The following MTNR1A variants were observed in gnomAD, a reference collection of about 807,000 sequenced individuals.
MTNR1A encodes the protein melatonin receptor type 1A.
MTNR1A carries 7 observed loss-of-function variants against 5.5 expected under a neutral mutation model. That is an observed-to-expected ratio of 1.28 (90% CI 0.73 to 2.40). The LOEUF (loss-of-function observed/expected upper bound fraction) is 2.40. Among genes scored for constraint, MTNR1A ranks in the 30% most tolerant of loss-of-function variants. The pLI, the probability that MTNR1A is intolerant of heterozygous loss-of-function variation, is 0.00. For missense variants in MTNR1A, 441 were observed against 464.4 expected (o/e 0.95, Z 0.46); for synonymous variants, 196 against 202.7 (o/e 0.97, Z 0.28).
At position 186,555,084 on chromosome 4, in the gene MTNR1A, G is replaced by A; in HGVS notation, c.184+98C>T. On this transcript the variant is annotated intron_variant, in intron 1 of 1. Transcript: ENST00000307161. This position sits in a 1 kb window ranked among gnomAD's most constrained non-coding sequence, Gnocchi z 4.1. The stretch of plus-strand genomic sequence containing the variant: ...GGAAAAATAACTCCAAGTCCGCAGT[G>A]TTTAGGAAAAAGAACCAAGTGCTTG... 2 of 1,310,554 alleles carry A rather than the reference G, an allele frequency of 1.5e-6. No individual in the cohort carries two copies. The highest frequency in any genetic ancestry group is 2.1e-6 in the Non-Finnish European group (2 of 931,612). The allele number at this position is 1,310,554 out of a possible 1,614,324, so 81.2% of individuals were successfully genotyped here.
chr4:186,555,361 T>G lies in MTNR1A; in HGVS notation c.5A>C (p.Gln2Pro), dbSNP rs1348980073. 1 of 1,528,332 alleles carries G rather than the reference T, an allele frequency of 6.5e-7. No homozygotes were observed. Among genetic ancestry groups the G allele is most frequent in the Non-Finnish European group, 8.8e-7 (1 of 1,137,624 alleles). The allele number at this position is 1,528,332 out of a possible 1,614,324, so 94.7% of individuals were successfully genotyped here. Residue 2 changes from glutamine (Q) to proline (P), a missense_variant, in exon 1 of 2, where the codon CAG becomes CCG. By Grantham distance (76) the Gln-to-Pro change is moderately conservative. Coordinates refer to ENST00000307161, the MANE Select transcript of MTNR1A (RefSeq NM_005958.4). This position sits in a 1 kb window ranked among gnomAD's most constrained non-coding sequence, Gnocchi z 4.1. M[Q>P]GNGSALPNAS... ...GTTGGGCAGCGCGCTGCCGTTGCCCTGCATGGTCCCTGTGCGCGTCCCGGC... is the reference window on the plus strand; with the variant it reads ...GTTGGGCAGCGCGCTGCCGTTGCCCGGCATGGTCCCTGTGCGCGTCCCGGC...
At position 186,534,226 on chromosome 4, in the gene MTNR1A, C is replaced by T. The variant is rs371929194; in HGVS notation, c.516G>A (p.Pro172=). The T allele has an allele frequency of 8.1e-6, 13 of 1,613,884 alleles. No homozygotes were observed. The highest frequency in any genetic ancestry group is 6.7e-5 in the African/African-American group (5 of 74,872). The change falls in exon 2 of 2, where the codon CCG becomes CCA. Residue 172 remains proline, a synonymous_variant. Transcript: ENST00000307161. ...NLRAGTLQYD[P]RIYSCTFAQS... ...GGGCGAAGGTGCACGAGTAGATCCT[C>T]GGGTCGTACTGGAGAGTCCCTGCAC... is the stretch of plus-strand genomic sequence containing the variant.
chr4:186,535,300 G>A (rs1736820895), intron 1 of MTNR1A, among the ~76,000 whole-genome samples: 1 of 151,778 alleles, frequency 6.6e-6, no homozygotes, highest in Admixed American at 6.6e-5. Context: ...AATTCTCTTA[G>A]ATCTTATAAA....
At chr4:186,538,364 T>C (rs532482074) in intron 1 of MTNR1A, among the ~76,000 whole-genome samples, 4 of 152,188 alleles carry the variant, frequency 2.6e-5, no homozygotes, top group Non-Finnish European at 4.4e-5. Flanking sequence ...TTGCGTGAGA[T>C]TTTGAAGGCG....
At chr4:186,538,371 G>C (rs999351647) in intron 1 of MTNR1A, among the ~76,000 whole-genome samples, 3 of 152,232 alleles carry the variant, frequency 2.0e-5, no homozygotes, top group Non-Finnish European at 4.4e-5. Flanking sequence ...AGATTTTGAA[G>C]GCGGAAGTGC....
chr4:186,548,328 G>A (rs910765703), intron 1 of MTNR1A, among the ~76,000 whole-genome samples: 2 of 151,950 alleles, frequency 1.3e-5, no homozygotes, highest in African/African-American at 4.8e-5. Flanking sequence ...TCAATGACAG[G>A]AAAATATGTT....
intron 1 of MTNR1A, among the ~76,000 whole-genome samples, chr4:186,538,250 C>T (rs1289755440): frequency 2.6e-5 from 4 of 152,196 alleles, no homozygotes; most frequent in African/African-American, 9.7e-5. Flanking sequence ...AGTACCTGGC[C>T]GAGGGTTAAT....
intron 1 of MTNR1A, among the ~76,000 whole-genome samples, chr4:186,549,994 C>T (rs1335005359): frequency 6.6e-6 from 1 of 152,216 alleles, no homozygotes; most frequent in Non-Finnish European, 1.5e-5. Flanking sequence ...AATGCATTTT[C>T]TCTCCCGTCT....
intron 1 of MTNR1A, among the ~76,000 whole-genome samples, chr4:186,549,308 T>G (rs2111385717): frequency 6.6e-6 from 1 of 152,310 alleles, no homozygotes; most frequent in East Asian, 1.9e-4. Flanking sequence ...ACTTAATAAC[T>G]ATTTGAGAAA....
chr4:186,555,345 C>G lies in MTNR1A; in HGVS notation c.21G>C (p.Ala7=). 1 of 1,541,364 alleles carries G rather than the reference C, an allele frequency of 6.5e-7. No individual in the cohort carries two copies. The highest frequency in any genetic ancestry group is 8.7e-7 in the Non-Finnish European group (1 of 1,143,048). Residue 7 remains alanine (A), a synonymous_variant, in exon 1 of 2, where the codon GCG becomes GCC. Transcript: ENST00000307161. The surrounding 1 kb of genome is among the most constrained non-coding windows in gnomAD (Gnocchi z 4.1). The part of the protein sequence containing the change: MQGNGS[A]LPNASQPVLR... The stretch of plus-strand genomic sequence containing the variant: ...GCACGGGCTGGGAGGCGTTGGGCAG[C>G]GCGCTGCCGTTGCCCTGCATGGTCC...
At chr4:186,544,207 G>A (rs1486923302) in intron 1 of MTNR1A, among the ~76,000 whole-genome samples, 1 of 152,116 alleles carries the variant, frequency 6.6e-6, no homozygotes, top group East Asian at 1.9e-4. Context: ...TTTTAGTTGA[G>A]ATGGGATTTC....
At chr4:186,550,848 G>A (rs1260699505) in intron 1 of MTNR1A, among the ~76,000 whole-genome samples, 1 of 152,194 alleles carries the variant, frequency 6.6e-6, no homozygotes, top group African/African-American at 2.4e-5. Flanking sequence ...ATTTACAGGG[G>A]ATTCTGGGAA....
chr4:186,538,509 C>A (rs1736928931), intron 1 of MTNR1A, among the ~76,000 whole-genome samples: 1 of 152,124 alleles, frequency 6.6e-6, no homozygotes, highest in Non-Finnish European at 1.5e-5. Flanking sequence ...CACAGCTTCT[C>A]CAGCTCCTGC....
intron 1 of MTNR1A, among the ~76,000 whole-genome samples, chr4:186,549,227 T>TTTTATAC (rs1737219323): frequency 3.8e-5 from 1 of 25,984 alleles, no homozygotes. Flanking sequence ...CAAGAACATA[T>TTTTATAC]TCCTAAATAT....
intron 1 of MTNR1A, among the ~76,000 whole-genome samples, chr4:186,553,981 T>C (rs753996286): frequency 6.6e-6 from 1 of 152,082 alleles, no homozygotes; most frequent in Non-Finnish European, 1.5e-5. Flanking sequence ...GTAAGGCGAG[T>C]TGACCACGGC....
intron 1 of MTNR1A, among the ~76,000 whole-genome samples, chr4:186,552,625 C>T (rs1579257186): frequency 6.6e-6 from 1 of 152,154 alleles, no homozygotes; most frequent in Admixed American, 6.6e-5. Context: ...TCAAAGTATT[C>T]TCATATGCGC....
chr4:186,549,205 C>T (rs1282435012), intron 1 of MTNR1A, among the ~76,000 whole-genome samples: 2 of 152,098 alleles, frequency 1.3e-5, no homozygotes, highest in Admixed American at 6.5e-5. Flanking sequence ...GATGAAAGCA[C>T]AATATCCCTT....
intron 1 of MTNR1A, among the ~76,000 whole-genome samples, chr4:186,540,021 C>T (rs1051054290): frequency 1.3e-5 from 2 of 152,308 alleles, no homozygotes; most frequent in South Asian, 4.1e-4. Flanking sequence ...GGGGAAGCCT[C>T]ACAATCATGG....
intron 1 of MTNR1A, among the ~76,000 whole-genome samples, chr4:186,540,780 TGAAG>T (rs1402181527): frequency 3.4e-5 from 5 of 146,408 alleles, no homozygotes; most frequent in African/African-American, 7.7e-5. Context: ...GCTGTCTGAC[TGAAG>T]GAAGGACCAG....
Sources: allele counts gnomAD v4.1 joint callset (sites outside exome capture counted in the v4.1 genomes callset), GRCh38; gene constraint gnomAD v4.1.1; non-coding constraint Gnocchi (gnomAD v3.1); transcripts MANE v1.5; gene names NCBI Gene and HGNC (gene_info 2026-07-23, HGNC 2026-07-21).